Variants in AGL observed in about 807,000 individuals in gnomAD.
The protein encoded by AGL is amylo-alpha-1,6-glucosidase and 4-alpha-glucanotransferase, also known as glycogen debranching enzyme.
AGL carries 128 observed loss-of-function variants against 199.3 expected under a neutral mutation model. The ratio of observed to expected loss-of-function variants is 0.64; its 90% confidence interval spans 0.56 to 0.74. The LOEUF (loss-of-function observed/expected upper bound fraction) is 0.74. Among genes scored for constraint, AGL ranks in the 30% least tolerant of loss-of-function variants. The pLI is 0.00. For synonymous variants in AGL, 584 were observed against 594.7 expected, an observed-to-expected ratio of 0.98 and a Z score of 0.26; for missense variants, 1,809 against 1,820.8, an observed-to-expected ratio of 0.99 and a Z score of 0.12.
At chr1:99,870,248 C>A in intron 5 of AGL, 152 bp from the exon 6 acceptor site, 4 of 722,884 alleles carry the variant, frequency 5.5e-6, no homozygotes, top group Non-Finnish European at 8.7e-6. Flanking sequence ...AAAGAAAAAA[C>A]TTTTCCTGTA....
In AGL at chr1:99,877,698, G is replaced by C. The variant is rs141043166; in HGVS notation, c.1481G>C (p.Arg494Pro). ...TGCTGGGGAGACAGTGTTAAATTAC[G>C]CTATGGGAATAAACCAGAGGACTGT... ...LICWGDSVKLRYGNKPEDCPY... is the reference protein window; with the variant it reads ...LICWGDSVKLPYGNKPEDCPY... The change falls in exon 12 of 34, where the codon CGC becomes CCC. Residue 494 changes from arginine (R) to proline (P), a missense_variant. By Grantham distance (103) the Arg-to-Pro change is moderately radical (BLOSUM62 -2). Transcript: ENST00000361915. The C allele has an allele frequency of 1.2e-6, 2 of 1,613,960 alleles. No individual in the cohort carries two copies. The highest frequency in any genetic ancestry group is 1.1e-5 in the South Asian group (1 of 91,078).
At chr1:99,873,433 C>CTTTT (rs553707025) in intron 7 of AGL, among the ~76,000 whole-genome samples, 1 of 131,172 alleles carries the variant, frequency 7.6e-6, no homozygotes, top group Admixed American at 7.7e-5. Context: ...TGGCAGTGTT[C>CTTTT]TTTTTTTTTT....
At position 99,881,112 on chromosome 1, in the gene AGL, A is replaced by G. The variant is rs376666809; in HGVS notation, c.1936A>G (p.Ile646Val). 187 of 1,613,832 alleles carry G rather than the reference A, an allele frequency of 1.2e-4. 1 individual carries two copies. The highest frequency in any genetic ancestry group is 6.9e-4 in the South Asian group (63 of 91,086). ...SAYDALPSTT[I>V]VSMACCASGS... ...GTATGATGCTCTTCCAAGTACTACA[A>G]TTGTTTCTATGGCATGTTGTGCTAG... Residue 646 changes from isoleucine (I) to valine (V), a missense_variant, in exon 15 of 34, where the codon ATT becomes GTT. Coordinates refer to ENST00000361915, the MANE Select transcript of AGL (RefSeq NM_000642.3).
At chr1:99,871,402 G>A (rs930224132) in intron 7 of AGL, among the ~76,000 whole-genome samples, 2 of 82,944 alleles carry the variant, frequency 2.4e-5, no homozygotes, top group Admixed American at 1.4e-4. Context: ...TAATCAAGCA[G>A]TTAATGTGCC....
At chr1:99,873,944 G>C (rs1651249514) in intron 7 of AGL, among the ~76,000 whole-genome samples, 1 of 152,032 alleles carries the variant, frequency 6.6e-6, no homozygotes, top group Non-Finnish European at 1.5e-5. Context: ...ATAAAATCAA[G>C]TTCAATGGAG....
Position 99,881,429 on chromosome 1 carries a change from A to G in AGL, c.2139A>G (p.Gly713=). Reference sequence around the variant, plus strand: ...TCAGTAAACTTCATCAGGAGCTTGGAGCCAAGGGTTTTATTCAGGCAAGAA... The same window carrying G: ...TCAGTAAACTTCATCAGGAGCTTGGGGCCAAGGGTTTTATTCAGGCAAGAA... The part of the protein sequence containing the change: ...CAISKLHQEL[G]AKGFIQVYVD... Residue 713 remains glycine (G), a synonymous_variant, in exon 16 of 34, where the codon GGA becomes GGG. Coordinates refer to ENST00000361915, the MANE Select transcript of AGL (RefSeq NM_000642.3). 5 of 1,614,114 alleles carry G rather than the reference A, an allele frequency of 3.1e-6. No homozygotes were observed. Among genetic ancestry groups the G allele is most frequent in the Non-Finnish European group, 4.2e-6 (5 of 1,179,998 alleles).
intron 24 of AGL, among the ~76,000 whole-genome samples, chr1:99,893,564 A>T (rs769368659): frequency 3.9e-5 from 6 of 152,170 alleles, no homozygotes; most frequent in Admixed American, 1.3e-4. Flanking sequence ...ACTTTTTAGA[A>T]CCCATTACAA....
chr1:99,885,513 C>G (rs1652390601), intron 20 of AGL, among the ~76,000 whole-genome samples: 1 of 152,130 alleles, frequency 6.6e-6, no homozygotes, highest in African/African-American at 2.4e-5. Flanking sequence ...TGTTAGGAAC[C>G]AGGCCGCACA....
At chr1:99,862,206 A>T in intron 3 of AGL, 51 bp from the exon 4 acceptor site, 1 of 1,559,476 alleles carries the variant, frequency 6.4e-7, no homozygotes. Context: ...TTATATGAGG[A>T]TTTTTTTTCT....
At chr1:99,875,083 T>C (rs1651399528) in intron 8 of AGL, 71 bp from the exon 9 acceptor site, 5 of 1,365,088 alleles carry the variant, frequency 3.7e-6, no homozygotes, top group Non-Finnish European at 5.1e-6. Context: ...GTGACCTTTG[T>C]TAGAAAGTTT....
chr1:99,904,301 A>G (rs1054429634), intron 27 of AGL, among the ~76,000 whole-genome samples: 6 of 152,110 alleles, frequency 3.9e-5, no homozygotes, highest in African/African-American at 7.2e-5. Flanking sequence ...TTTGTAAAAC[A>G]TGCATTGTTT....
intron 2 of AGL, among the ~76,000 whole-genome samples, chr1:99,858,850 T>C (rs1649790796): frequency 6.6e-6 from 1 of 151,810 alleles, no homozygotes; most frequent in African/African-American, 2.4e-5. Flanking sequence ...TTATTTCATT[T>C]ATATCTTATC....
chr1:99,914,515 A>C (rs1654968047), intron 30 of AGL, among the ~76,000 whole-genome samples: 1 of 152,262 alleles, frequency 6.6e-6, no homozygotes, highest in Non-Finnish European at 1.5e-5. Flanking sequence ...TGTCAAAAAG[A>C]GTACCAAACC....
intron 27 of AGL, among the ~76,000 whole-genome samples, chr1:99,903,335 T>A (rs937839849): frequency 6.6e-6 from 1 of 152,058 alleles, no homozygotes; most frequent in African/African-American, 2.4e-5. Context: ...CCTTCCCGTG[T>A]CCAAGTATTC....
chr1:99,897,414 A>G (rs1414432560), intron 25 of AGL, among the ~76,000 whole-genome samples: 2 of 152,258 alleles, frequency 1.3e-5, no homozygotes, highest in African/African-American at 4.8e-5. Flanking sequence ...TAAAACTTTC[A>G]GCAAAAGGGC....
intron 12 of AGL, 89 bp downstream of exon 12, chr1:99,877,917 C>T (rs1319296444): frequency 7.6e-7 from 1 of 1,313,812 alleles, no homozygotes; most frequent in Non-Finnish European, 1.1e-6. Context: ...GTAAATGTTT[C>T]CTTTTGCTAG....
rs71075465 is a variant in AGL, at chr1:99,907,693, G to GTTTTTTTTTTTGTT, written c.3701-3011_3701-3010insTTTGTTTTTTTTTT. Among the ~76,000 whole-genome samples the GTTTTTTTTTTTGTT allele has an allele frequency of 6.6e-3, 790 of 118,974 alleles. 31 individuals are homozygous for GTTTTTTTTTTTGTT. Among genetic ancestry groups the GTTTTTTTTTTTGTT allele is most frequent in the East Asian group, 0.048 (177 of 3,680 alleles). 78.1% of individuals were successfully genotyped at this position (118,974 alleles called of 152,430 possible). A position where few individuals can be genotyped will look rare whatever the true frequency, so the allele number is the denominator to read the frequency against. ...TTTTGTTCGTTTGTTTTTGTTTTTTGTTTTTTTTGCTAGTAGCCATCCTAA... is the reference window on the plus strand; with the variant it reads ...TTTTGTTCGTTTGTTTTTGTTTTTTGTTTTTTTTTTTGTTTTTTTTTTGCTAGTAGCCATCCTAA... On this transcript the variant is annotated intron_variant, in intron 27 of 33. Transcript: ENST00000361915.
At chr1:99,859,145 C>G (rs913383967) in intron 2 of AGL, among the ~76,000 whole-genome samples, 40 of 152,098 alleles carry the variant, frequency 2.6e-4, no homozygotes, top group Non-Finnish European at 7.4e-5. Flanking sequence ...TGTACTTGTT[C>G]AAAATGACAC....
chr1:99,902,834 T>C (rs745748968), intron 27 of AGL, 40 bp downstream of exon 27: 1 of 1,473,196 alleles, frequency 6.8e-7, no homozygotes, highest in South Asian at 1.1e-5. Flanking sequence ...TTTATCAAGG[T>C]GATGAAATTA....
Sources: allele counts gnomAD v4.1 joint callset (sites outside exome capture counted in the v4.1 genomes callset), GRCh38; gene constraint gnomAD v4.1.1; transcripts MANE v1.5; gene names NCBI Gene and HGNC (gene_info 2026-07-23, HGNC 2026-07-21).